IRAK1BP1: variants seen among roughly 807,000 people sequenced by gnomAD.
IRAK1BP1 encodes the protein interleukin 1 receptor associated kinase 1 binding protein 1, also known as interleukin-1 receptor-associated kinase 1-binding protein 1.
IRAK1BP1 carries 24 observed loss-of-function variants against 28.0 expected under a neutral mutation model. The ratio of observed to expected loss-of-function variants is 0.86; its 90% CI spans 0.62 to 1.20. The LOEUF is 1.20. Ranked by LOEUF, IRAK1BP1 falls within the 50% of genes most tolerant of loss-of-function variation. The pLI is 0.00. For synonymous variants in IRAK1BP1, 131 were observed against 116.3 expected, an observed-to-expected ratio of 1.13 and a Z score of -0.81; for missense variants, 336 against 316.7, an observed-to-expected ratio of 1.06 and a Z score of -0.46.
chr6:78,888,900 T>C (rs1031872841), intron 2 of IRAK1BP1, among the ~76,000 whole-genome samples: 1 of 152,002 alleles, frequency 6.6e-6, no homozygotes, highest in East Asian at 1.9e-4. Flanking sequence ...GGCGGATTGC[T>C]TGAGCCCAGG....
intron 4 of IRAK1BP1, among the ~76,000 whole-genome samples, chr6:78,914,864 G>C (rs933711352): frequency 2.6e-5 from 4 of 151,902 alleles, no homozygotes; most frequent in African/African-American, 9.7e-5. Context: ...TCTATCACCC[G>C]GGCTGGAGTG....
intron 4 of IRAK1BP1, among the ~76,000 whole-genome samples, chr6:78,912,747 T>TA (rs907830988): frequency 2.6e-5 from 4 of 152,168 alleles, no homozygotes; most frequent in African/African-American, 9.7e-5. Context: ...TTACCTTATG[T>TA]AAAAACGTGA....
At chr6:78,906,330 C>T (rs1161126578), downstream of IRAK1BP1, among the ~76,000 whole-genome samples, 2 of 151,850 alleles carry the variant, frequency 1.3e-5, no homozygotes, top group African/African-American at 2.4e-5. Flanking sequence ...TTTCATTGTC[C>T]TCATCTTCTT....
intron 1 of IRAK1BP1, chr6:78,872,206 GCTTGACAACATATC>G: frequency 1.5e-6 from 1 of 670,080 alleles, no homozygotes; most frequent in African/African-American, 1.8e-5. Context: ...GCGGTAATTT[GCTTGACAACATATC>G]CTTTAGTGCC....
At chr6:78,906,534 A>C (rs1252876454), downstream of IRAK1BP1, among the ~76,000 whole-genome samples, 1 of 152,204 alleles carries the variant, frequency 6.6e-6, no homozygotes, top group African/African-American at 2.4e-5. Context: ...ATAATGTGTA[A>C]GTATTCAAAT....
chr6:78,941,920 T>G (rs1369164148), intron 4 of IRAK1BP1, among the ~76,000 whole-genome samples: 1 of 152,086 alleles, frequency 6.6e-6, no homozygotes, highest in Admixed American at 6.5e-5. Flanking sequence ...GCAATCAAAT[T>G]CTAAACCTGA....
chr6:78,945,902 G>T, exon 5 of IRAK1BP1: 2 of 836,498 alleles, frequency 2.4e-6, no homozygotes, highest in South Asian at 3.5e-5. Flanking sequence ...AACAGTGTCT[G>T]CTAGGAATTA....
At chr6:78,907,967 C>T (rs148365577), downstream of IRAK1BP1, among the ~76,000 whole-genome samples, 48 of 152,138 alleles carry the variant, frequency 3.2e-4, no homozygotes, top group East Asian at 7.7e-3. Flanking sequence ...ATCCGCCCGC[C>T]TCAGCCTCCC....
At chr6:78,933,953 T>G (rs2127671592) in intron 4 of IRAK1BP1, among the ~76,000 whole-genome samples, 1 of 152,330 alleles carries the variant, frequency 6.6e-6, no homozygotes, top group South Asian at 2.1e-4. Context: ...CAGCCTCTCT[T>G]GGCTTTTGAC....
chr6:78,895,343 A>G (rs931204083), intron 2 of IRAK1BP1, among the ~76,000 whole-genome samples: 1 of 152,214 alleles, frequency 6.6e-6, no homozygotes, highest in South Asian at 2.1e-4. Flanking sequence ...CTGAAAAGGA[A>G]GAAATATTTC....
intron 4 of IRAK1BP1, among the ~76,000 whole-genome samples, chr6:78,941,813 TCACTATGTG>T (rs1256933119): frequency 6.6e-6 from 1 of 152,118 alleles, no homozygotes; most frequent in Non-Finnish European, 1.5e-5. Context: ...TCAATCAAAA[TCACTATGTG>T]TGCCACCATT....
downstream of IRAK1BP1, chr6:78,946,579 C>A: frequency 7.1e-7 from 1 of 1,407,026 alleles, no homozygotes; most frequent in Non-Finnish European, 9.2e-7. Context: ...TCCTCCACAT[C>A]ATAGGAACTT....
chr6:78,976,026 T>C, the IRAK1BP1 span, among the ~76,000 whole-genome samples: 1 of 151,886 alleles, frequency 6.6e-6, no homozygotes, highest in African/African-American at 2.4e-5. Flanking sequence ...AAAAACTACT[T>C]TAAAGTTCAT....
chr6:78,917,796 A>G (rs1375371321), intron 4 of IRAK1BP1, among the ~76,000 whole-genome samples: 1 of 152,170 alleles, frequency 6.6e-6, no homozygotes. Context: ...AGAAATTCTA[A>G]CCAAGAATTT....
chr6:78,894,285 A>G (rs888108373), intron 2 of IRAK1BP1, among the ~76,000 whole-genome samples: 5 of 152,260 alleles, frequency 3.3e-5, no homozygotes, highest in African/African-American at 1.2e-4. Flanking sequence ...ACATACCTTC[A>G]TTAAAATACA....
the IRAK1BP1 span, among the ~76,000 whole-genome samples, chr6:78,976,828 A>G: frequency 7.6e-6 from 1 of 132,148 alleles, no homozygotes; most frequent in Admixed American, 7.9e-5. Context: ...ACAATGAGAT[A>G]CCATCTCACA....
At chr6:78,939,450 A>C (rs949733070) in intron 4 of IRAK1BP1, 1 of 151,898 alleles carries the variant, frequency 6.6e-6, no homozygotes, top group Admixed American at 6.6e-5. Flanking sequence ...TTTAACCTTT[A>C]ATAATTGAAA....
At chr6:78,974,526 C>T in the IRAK1BP1 span, among the ~76,000 whole-genome samples, 2 of 151,680 alleles carry the variant, frequency 1.3e-5, no homozygotes, top group Non-Finnish European at 2.9e-5. Flanking sequence ...TAACTAAGAT[C>T]AGAGCAGAAC....
chr6:78,890,447 A>T (rs1228150803), intron 2 of IRAK1BP1, among the ~76,000 whole-genome samples: 2 of 152,020 alleles, frequency 1.3e-5, no homozygotes, highest in African/African-American at 4.8e-5. Flanking sequence ...GAGAGCACAG[A>T]GTGAAAGAGA....
Sources: gnomAD v4.1 joint callset for allele counts (sites outside exome capture counted in the v4.1 genomes callset) on GRCh38, gnomAD v4.1.1 for gene constraint, MANE v1.5 for transcripts, NCBI Gene and HGNC (gene_info 2026-07-23, HGNC 2026-07-21) for gene names.